PCDH18: variants seen among roughly 807,000 people sequenced by gnomAD.
PCDH18 encodes protocadherin-18.
PCDH18 carries 38 observed loss-of-function variants against 71.5 expected under a neutral mutation model. The ratio of observed to expected loss-of-function variants is 0.53; its 90% CI spans 0.41 to 0.70. The LOEUF is 0.70. Among genes scored for constraint, PCDH18 ranks in the 30% least tolerant of loss-of-function variants. The probability of loss-of-function intolerance (pLI) is 0.00; values close to 1 mark genes in which losing one functional copy is unlikely to be tolerated. For missense variants in PCDH18, 1,334 were observed against 1,384.6 expected (o/e 0.96, Z 0.58); for synonymous variants, 565 against 505.4 (o/e 1.12, Z -1.58).
intron 3 of PCDH18, among the ~76,000 whole-genome samples, chr4:137,522,907 A>G (rs1731341887): frequency 1.3e-5 from 2 of 152,176 alleles, no homozygotes; most frequent in Admixed American, 1.3e-4. Flanking sequence ...AAACATGGAG[A>G]AAATAATGTT....
intron 3 of PCDH18, among the ~76,000 whole-genome samples, chr4:137,526,056 A>T (rs1360434570): frequency 6.6e-6 from 1 of 151,514 alleles, no homozygotes; most frequent in African/African-American, 2.4e-5. Context: ...AATTATTATT[A>T]TTATTATTTA....
chr4:137,521,513 T>A lies in PCDH18; in HGVS notation c.2924A>T (p.Asp975Val). 6.2e-7 allele frequency: 1 copy of A among 1,614,178 alleles called. No individual in the cohort carries two copies. Among genetic ancestry groups the A allele is most frequent in the Non-Finnish European group, 8.5e-7 (1 of 1,180,034 alleles). ...AAAACTCTTCTTCTTTTCACCGGAA[T>A]CTGCAGGCTGAGCGTCATCCTCAAG... Reference protein sequence around the residue: ...QSLEDDAQPADSGEKKKSFST... With the variant: ...QSLEDDAQPAVSGEKKKSFST... Residue 975 changes from aspartate (D) to valine (V), a missense_variant, in exon 4 of 4, where the codon GAT becomes GTT. Physicochemically the swap from Asp to Val is radical, Grantham distance 152. Around this residue, in one of 3 missense-constraint regions of PCDH18, gnomAD observed 319 missense variants for 316.3 expected, o/e 1.01. Transcript: ENST00000344876.
Position 137,530,243 on chromosome 4 carries a change from G to A in PCDH18, c.1846C>T (p.Leu616Phe), listed in dbSNP as rs74512322. 4.7e-3 allele frequency: 7,615 copies of A among 1,614,076 alleles called. 37 individuals carry two copies. The highest frequency in any genetic ancestry group is 0.021 in the Middle Eastern group (127 of 6,060). ...TTACCTGCTACTATGGCGCAGCTGA[G>A]TTCAGCATTCACACCAGAGTCTCTG... ...IDRDSGVNAE[L>F]SCAIVAGNEE... Residue 616 changes from leucine to phenylalanine, a missense_variant, in exon 1 of 4, where the codon CTC becomes TTC. This residue lies in a region of PCDH18 where 1,011 missense variants were observed against 1,048.0 expected (regional missense o/e 0.96). Transcript: ENST00000344876.
chr4:137,525,867 CATGTT>C (rs1731439021), intron 3 of PCDH18, among the ~76,000 whole-genome samples: 1 of 151,892 alleles, frequency 6.6e-6, no homozygotes, highest in Non-Finnish European at 1.5e-5. Flanking sequence ...AAAATTGTCT[CATGTT>C]AAGTGGAATT....
rs1731272358 is a variant in PCDH18, at chr4:137,520,983, C to T, written c.*46G>A. ...AGGGTTTTTTGTTGTTGTTGTTGTT[C>T]CCTATTTCCATATACATGGAAACAA... is the stretch of plus-strand genomic sequence containing the variant. On this transcript the variant is annotated 3_prime_UTR_variant, in exon 4 of 4. Transcript: ENST00000344876. The T allele has an allele frequency of 7.5e-7, 1 of 1,339,416 alleles. No homozygotes were observed. The highest frequency in any genetic ancestry group is 1.5e-5 in the African/African-American group (1 of 68,448). The allele number at this position is 1,339,416 out of a possible 1,614,324, so 83.0% of individuals were successfully genotyped here.
chr4:137,528,506 C>T lies in PCDH18; in HGVS notation c.2712G>A (p.Leu904=), dbSNP rs1296597581. Reference sequence around the variant, plus strand: ...CTGGAATTCTTCCATCTGTGAGAAACAGGTCGCTGAATCCTTCACCCAACA... The same window carrying T: ...CTGGAATTCTTCCATCTGTGAGAAATAGGTCGCTGAATCCTTCACCCAACA... ...DRLLGEGFSD[L]FLTDGRIPAA... Residue 904 remains leucine, a synonymous_variant, in exon 3 of 4, where the codon CTG becomes CTA. Transcript: ENST00000344876. 8 of 1,613,780 alleles carry T rather than the reference C, an allele frequency of 5.0e-6. No individual in the cohort carries two copies. The highest frequency in any genetic ancestry group is 8.5e-7 in the Non-Finnish European group (1 of 1,179,860).
chr4:137,521,197 C>T lies in PCDH18; in HGVS notation c.3240G>A (p.Gln1080=). The T allele has an allele frequency of 6.2e-7, 1 of 1,614,172 alleles. No individual in the cohort carries two copies. The highest frequency in any genetic ancestry group is 8.5e-7 in the Non-Finnish European group (1 of 1,180,020). ...TGGCTGGCAGCCATTTTGAAGAAGG[C>T]TGCACACTGGAGTGAGTTCCAAGTG... ...GPPLGTHSSV[Q]PSSKWLPAME... is the part of the protein sequence containing the mutation. Residue 1080 remains glutamine, a synonymous_variant, in exon 4 of 4, where the codon CAG becomes CAA. Transcript: ENST00000344876.
rs11541660 is a variant in PCDH18 at position 137,521,111 on chromosome 4, T to C, written c.3326A>G (p.Asn1109Ser). Reference protein sequence around the residue: ...DDFDNVLNHLNDGKHELMDAS... With the variant: ...DDFDNVLNHLSDGKHELMDAS... ...ATCCATGAGTTCGTGTTTCCCATCATTGAGGTGGTTGAGCACATTGTCAAA... is the reference window on the plus strand; with the variant it reads ...ATCCATGAGTTCGTGTTTCCCATCACTGAGGTGGTTGAGCACATTGTCAAA... Residue 1109 changes from asparagine (N) to serine (S), a missense_variant, in exon 4 of 4, where the codon AAT becomes AGT. Physicochemically the swap from Asn to Ser is conservative, Grantham distance 46. This residue lies in a region of PCDH18 where 319 missense variants were observed against 316.3 expected (regional missense o/e 1.01). Coordinates refer to ENST00000344876, the MANE Select transcript of PCDH18 (RefSeq NM_019035.5). 36 of 1,614,026 alleles carry C rather than the reference T, an allele frequency of 2.2e-5. No individual in the cohort carries two copies. The East Asian group carries it at 3.3e-4, about 15-fold the overall frequency.
chr4:137,520,273 A>G lies in PCDH18; in HGVS notation c.*756T>C, dbSNP rs1731250518. 1 of 152,416 alleles carries G rather than the reference A, an allele frequency of 6.6e-6. No individual in the cohort carries two copies. The highest frequency in any genetic ancestry group is 2.4e-5 in the African/African-American group (1 of 41,464). The allele number at this position is 152,416 out of a possible 1,614,324, so 9.4% of individuals were successfully genotyped here. On this transcript the variant is annotated 3_prime_UTR_variant, in exon 4 of 4. Coordinates refer to ENST00000344876, the MANE Select transcript of PCDH18 (RefSeq NM_019035.5). ...GGAATAAAATTTATTGTTTACCATA[A>G]TTATAAGTAGATAATAATATTGTGA...
In PCDH18 at chr4:137,523,178, T is replaced by C. The variant is rs192714510; in HGVS notation, c.2741-1482A>G. ...GGAGAAAGTGTCAACACCAATTCCA[T>C]GTGAATCAAGGTGGGGAAAGAGAAA... is the stretch of plus-strand genomic sequence containing the variant. On this transcript the variant is annotated intron_variant, in intron 3 of 3. Coordinates refer to ENST00000344876, the MANE Select transcript of PCDH18 (RefSeq NM_019035.5). Among the ~76,000 whole-genome samples, 296 of 152,200 alleles carry C rather than the reference T, an allele frequency of 1.9e-3. 2 individuals are homozygous for C. Among genetic ancestry groups the C allele is most frequent in the South Asian group, 0.016 (76 of 4,828 alleles).
At position 137,532,331 on chromosome 4, in the gene PCDH18, C is replaced by G; in HGVS notation, c.-243G>C. ...TTTGGTCGTTCGTCCTCTTTCCAGG[C>G]AGGAGAGTGTCACCTCCGCGTTTTC... On this transcript the variant is annotated 5_prime_UTR_variant, in exon 1 of 4. Transcript: ENST00000344876. 2 of 702,552 alleles carry G rather than the reference C, an allele frequency of 2.8e-6. No individual in the cohort carries two copies. The highest frequency in any genetic ancestry group is 5.2e-6 in the Non-Finnish European group (2 of 385,032). 43.5% of individuals were successfully genotyped at this position (702,552 alleles called of 1,614,324 possible). A position where few individuals can be genotyped will look rare whatever the true frequency, so the allele number is the denominator to read the frequency against.
chr4:137,519,772 T>C lies in PCDH18; in HGVS notation c.*1257A>G, dbSNP rs987278562. The C allele has an allele frequency of 1.3e-5, 2 of 152,466 alleles. No individual in the cohort carries two copies. The highest frequency in any genetic ancestry group is 4.8e-5 in the African/African-American group (2 of 41,436). The allele number at this position is 152,466 out of a possible 1,614,324, so 9.4% of individuals were successfully genotyped here. ...TGGAGAGTACAATCAAGATAGTGTA[T>C]TATTAGAAATAACATTAATAGAAGC... is the stretch of plus-strand genomic sequence containing the variant. On this transcript the variant is annotated 3_prime_UTR_variant, in exon 4 of 4. Transcript: ENST00000344876.
rs1262556628 is a variant in PCDH18, at chr4:137,531,489, C to A, written c.600G>T (p.Val200=). The part of the protein sequence containing the change: ...TDGAKYAELI[V]VRELDRELKS... ...TCAGCTCCCGATCTAACTCTCTGAC[C>A]ACTATGAGTTCTGCATACTTGGCTC... Residue 200 remains valine (V), a synonymous_variant, in exon 1 of 4, where the codon GTG becomes GTT. Transcript: ENST00000344876. 1 of 1,613,908 alleles carries A rather than the reference C, an allele frequency of 6.2e-7. No individual in the cohort carries two copies.
chr4:137,526,154 T>TA (rs1003942995), intron 3 of PCDH18, among the ~76,000 whole-genome samples: 1 of 151,512 alleles, frequency 6.6e-6, no homozygotes, highest in Admixed American at 6.6e-5. Flanking sequence ...AACTTTGACC[T>TA]AAAAAAAACT....
Position 137,520,983 on chromosome 4 carries a change from C to G in PCDH18, c.*46G>C. The G allele has an allele frequency of 7.5e-7, 1 of 1,339,536 alleles. No individual in the cohort carries two copies. Among genetic ancestry groups the G allele is most frequent in the East Asian group, 2.3e-5 (1 of 43,102 alleles). 83.0% of individuals were successfully genotyped at this position (1,339,536 alleles called of 1,614,324 possible). On this transcript the variant is annotated 3_prime_UTR_variant, in exon 4 of 4. Coordinates refer to ENST00000344876, the MANE Select transcript of PCDH18 (RefSeq NM_019035.5). The stretch of plus-strand genomic sequence containing the variant: ...AGGGTTTTTTGTTGTTGTTGTTGTT[C>G]CCTATTTCCATATACATGGAAACAA...
intron 3 of PCDH18, among the ~76,000 whole-genome samples, chr4:137,527,109 A>G (rs147145673): frequency 6.6e-6 from 1 of 152,198 alleles, no homozygotes; most frequent in African/African-American, 2.4e-5. Context: ...TATTGCTACT[A>G]CTATTCCTAA....
rs775463141 is a variant in PCDH18, at chr4:137,519,410, T to C, written c.*1619A>G. ...GTCCTAAGAAAGTATTTTTTTTTGT[T>C]GTAATTTGAAAAATATTCAAGCAAT... On this transcript the variant is annotated 3_prime_UTR_variant, in exon 4 of 4. Transcript: ENST00000344876. The C allele has an allele frequency of 1.1e-4, 17 of 152,224 alleles. No homozygotes were observed. Among genetic ancestry groups the C allele is most frequent in the Admixed American group, 9.2e-4 (14 of 15,282 alleles). 9.4% of individuals were successfully genotyped at this position (152,224 alleles called of 1,614,324 possible). A position where few individuals can be genotyped will look rare whatever the true frequency, so the allele number is the denominator to read the frequency against.
chr4:137,524,573 G>A (rs1016060366), intron 3 of PCDH18, among the ~76,000 whole-genome samples: 4 of 152,144 alleles, frequency 2.6e-5, no homozygotes, highest in African/African-American at 4.8e-5. Flanking sequence ...ATAGGATTCA[G>A]TTACACAAAG....
In PCDH18 at chr4:137,531,553, T is replaced by C. The variant is rs200397073; in HGVS notation, c.536A>G (p.Asn179Ser). 1.1e-4 allele frequency: 183 copies of C among 1,613,308 alleles called. No homozygotes were observed. Among genetic ancestry groups the C allele is most frequent in the Admixed American group, 7.0e-4 (42 of 59,920 alleles). Residue 179 changes from asparagine (N) to serine (S), a missense_variant, in exon 1 of 4, where the codon AAT (asparagine) becomes AGT (serine). Transcript: ENST00000344876. The part of the protein sequence containing the change: ...NSLHTYSLSA[N>S]DFFNIEVRTR... ...CCGAACCTCGATATTAAAAAAATCA[T>C]TGGCAGAGAGCGAGTATGTGTGGAG... is the stretch of plus-strand genomic sequence containing the variant.
Sources: gnomAD v4.1 joint callset for allele counts (sites outside exome capture counted in the v4.1 genomes callset) on GRCh38, gnomAD v4.1.1 for gene constraint, gnomAD v4.1.1 regional missense constraint, MANE v1.5 for transcripts, NCBI Gene and HGNC (gene_info 2026-07-23, HGNC 2026-07-21) for gene names.